TOP2B: variants seen among roughly 807,000 people sequenced by gnomAD.
The protein encoded by TOP2B is DNA topoisomerase 2-beta.
A neutral mutation model predicts 193.5 loss-of-function variants in TOP2B; 51 were observed. The observed-to-expected ratio is 0.26, with a 90% CI of 0.21 to 0.33. TOP2B has a LOEUF of 0.33. Ranked by LOEUF, TOP2B falls within the 10% of genes least tolerant of loss-of-function variation. The probability of loss-of-function intolerance (pLI) is 1.00; values close to 1 mark genes in which losing one functional copy is unlikely to be tolerated. For missense variants in TOP2B, 1,378 were observed against 1,909.3 expected (o/e 0.72, Z 5.19); for synonymous variants, 634 against 635.7 (o/e 1.00, Z 0.04).
At chr3:25,610,171 G>A (rs1279277213) in intron 28 of TOP2B, among the ~76,000 whole-genome samples, 2 of 149,010 alleles carry the variant, frequency 1.3e-5, no homozygotes, top group African/African-American at 5.0e-5. Flanking sequence ...AAACAAAAGC[G>A]AAACTCTGTC....
At chr3:25,606,489 A>G (rs1702240560) in intron 31 of TOP2B, among the ~76,000 whole-genome samples, 1 of 152,180 alleles carries the variant, frequency 6.6e-6, no homozygotes, top group South Asian at 2.1e-4. Context: ...CCATTCCAGA[A>G]TTTAAGATCA....
At position 25,598,358 on chromosome 3, in the gene TOP2B, A is replaced by G. The variant is rs11548723; in HGVS notation, c.4830T>C (p.Phe1610=). 0.038 allele frequency: 61,506 copies of G among 1,613,290 alleles called. 1,556 individuals are homozygous for G. Among genetic ancestry groups the G allele is most frequent in the Non-Finnish European group, 0.046 (54,318 of 1,179,462 alleles). The part of the protein sequence containing the change: ...TGRARKEVKY[F]AESDEEEDDV... Reference sequence around the variant, plus strand: ...CATCTTCTTCTTCATCAGACTCTGCAAAATATTTTACTTCTTTCCTAGCCC... The same window carrying G: ...CATCTTCTTCTTCATCAGACTCTGCGAAATATTTTACTTCTTTCCTAGCCC... Residue 1610 remains phenylalanine (F), a synonymous_variant, in exon 36 of 36, where the codon TTT becomes TTC. Coordinates refer to ENST00000264331, the MANE Select transcript of TOP2B (RefSeq NM_001330700.2).
At chr3:25,614,841 T>C (rs1031991236) in intron 27 of TOP2B, among the ~76,000 whole-genome samples, 2 of 152,048 alleles carry the variant, frequency 1.3e-5, no homozygotes, top group East Asian at 3.8e-4. Context: ...GTTATAAATG[T>C]AGAGACTATC....
chr3:25,660,998 ATTT>A (rs11460770), intron 1 of TOP2B, among the ~76,000 whole-genome samples: 2 of 131,452 alleles, frequency 1.5e-5, no homozygotes. Flanking sequence ...TCTTAGGTTG[ATTT>A]TTTTTTTTTT....
intron 33 of TOP2B, among the ~76,000 whole-genome samples, chr3:25,602,147 G>A (rs1702110812): frequency 6.6e-6 from 1 of 152,134 alleles, no homozygotes; most frequent in African/African-American, 2.4e-5. Context: ...TGTAATCCCA[G>A]AACTTTGGGA....
At chr3:25,655,307 G>C (rs180958112) in intron 1 of TOP2B, among the ~76,000 whole-genome samples, 10 of 152,192 alleles carry the variant, frequency 6.6e-5, no homozygotes, top group African/African-American at 2.4e-4. Flanking sequence ...TTACTAATAA[G>C]AGAAATGAAA....
Position 25,664,531 on chromosome 3 carries a change from T to A in TOP2B, c.-234A>T, listed in dbSNP as rs1704030912. ...GCGCGGCGTCCGCGTCGCCCGGGCC[T>A]AGCGCGGCGGCTGAGGAGAAAGCAG... On this transcript the variant is annotated 5_prime_UTR_variant, in exon 1 of 36. Transcript: ENST00000264331. 8.8e-7 allele frequency: 1 copy of A among 1,138,624 alleles called. No homozygotes were observed. Among genetic ancestry groups the A allele is most frequent in the Non-Finnish European group, 1.1e-6 (1 of 929,444 alleles). The allele number at this position is 1,138,624 out of a possible 1,614,324, so 70.5% of individuals were successfully genotyped here.
intron 30 of TOP2B, among the ~76,000 whole-genome samples, chr3:25,608,586 T>C (rs1702292445): frequency 1.3e-5 from 2 of 152,190 alleles, no homozygotes; most frequent in Non-Finnish European, 2.9e-5. Context: ...TTCATTTTAA[T>C]AAATTAGGAC....
In TOP2B at chr3:25,630,245, A is replaced by T. The variant is rs915785739; in HGVS notation, c.1563+67T>A. The T allele has an allele frequency of 6.6e-6, 10 of 1,521,680 alleles. No individual in the cohort carries two copies. In the African/African-American group the frequency reaches 1.3e-4, roughly 19 times the overall value. 94.3% of individuals were successfully genotyped at this position (1,521,680 alleles called of 1,614,324 possible). A position where few individuals can be genotyped will look rare whatever the true frequency, so the allele number is the denominator to read the frequency against. ...TTTAAAAATTCGAGAAGTTTAGTAA[A>T]GTATTAGAAATGTCATATGTATGTG... is the stretch of plus-strand genomic sequence containing the variant. On this transcript the variant is annotated intron_variant, in intron 12 of 35. Coordinates refer to ENST00000264331, the MANE Select transcript of TOP2B (RefSeq NM_001330700.2).
At chr3:25,650,970 T>C (rs1397449040) in intron 1 of TOP2B, among the ~76,000 whole-genome samples, 1 of 152,206 alleles carries the variant, frequency 6.6e-6, no homozygotes, top group Non-Finnish European at 1.5e-5. Context: ...CCAAATGATG[T>C]CTTATCCTTC....
intron 11 of TOP2B, 59 bp downstream of exon 11, chr3:25,630,742 C>A: frequency 7.2e-7 from 1 of 1,394,956 alleles, no homozygotes; most frequent in South Asian, 1.7e-5. Flanking sequence ...TAAAAAAATT[C>A]TGTAACTAAA....
At chr3:25,653,233 T>C (rs771303729) in intron 1 of TOP2B, among the ~76,000 whole-genome samples, 1 of 152,068 alleles carries the variant, frequency 6.6e-6, no homozygotes, top group Non-Finnish European at 1.5e-5. Context: ...TTCAAACTCT[T>C]ACCAAAAAAT....
rs868130436 is a variant in TOP2B at position 25,608,810 on chromosome 3, C to T, written c.4093+373G>A. On this transcript the variant is annotated intron_variant, in intron 30 of 35. Coordinates refer to ENST00000264331, the MANE Select transcript of TOP2B (RefSeq NM_001330700.2). ...GAGCTATGTACTCAGACTTTTAAAG[C>T]GGGAGGAAATTTTTCATGATATAAG... 3.9e-5 allele frequency among the ~76,000 whole-genome samples: 6 copies of T among 152,030 alleles called. No individual in the cohort carries two copies. The East Asian group carries it at 1.2e-3, about 29-fold the overall frequency.
chr3:25,644,645 G>A lies in TOP2B; in HGVS notation c.240+655C>T, dbSNP rs373173240. On this transcript the variant is annotated intron_variant, in intron 2 of 35. Coordinates refer to ENST00000264331, the MANE Select transcript of TOP2B (RefSeq NM_001330700.2). ...GAACCCAGGAGGCAGAGGTTGCACC[G>A]AGCCAAGATCACACTACTACACTCC... 4.0e-4 allele frequency among the ~76,000 whole-genome samples: 56 copies of A among 141,134 alleles called. 1 individual carries two copies. The highest frequency in any genetic ancestry group is 2.0e-3 in the Admixed American group (28 of 14,056). 92.6% of individuals were successfully genotyped at this position (141,134 alleles called of 152,430 possible). A position where few individuals can be genotyped will look rare whatever the true frequency, so the allele number is the denominator to read the frequency against.
intron 1 of TOP2B, among the ~76,000 whole-genome samples, chr3:25,662,744 C>T (rs1415203653): frequency 6.6e-6 from 1 of 152,164 alleles, no homozygotes; most frequent in East Asian, 1.9e-4. Context: ...CAATCCACTA[C>T]GGAGCAAAAT....
In TOP2B at chr3:25,609,723, A is replaced by G; in HGVS notation, c.3787-11T>C. The stretch of plus-strand genomic sequence containing the variant: ...AGTATCAAGATCACCCTACATAATA[A>G]AAAGAAAATCAAGCCACGAGTAAAA... On this transcript the variant is annotated splice_polypyrimidine_tract_variant and intron_variant, in intron 28 of 35. Transcript: ENST00000264331. 1.4e-6 allele frequency: 2 copies of G among 1,428,078 alleles called. No homozygotes were observed. The highest frequency in any genetic ancestry group is 1.8e-6 in the Non-Finnish European group (2 of 1,091,320). The allele number at this position is 1,428,078 out of a possible 1,614,324, so 88.5% of individuals were successfully genotyped here. A position where few individuals can be genotyped will look rare whatever the true frequency, so the allele number is the denominator to read the frequency against.
intron 25 of TOP2B, chr3:25,615,801 T>C (rs1446555477): frequency 5.9e-6 from 2 of 340,518 alleles, no homozygotes; most frequent in African/African-American, 2.1e-5. Flanking sequence ...TCAGAAGGAA[T>C]GGTATACACT....
At chr3:25,640,600 CAG>C (rs1267045973) in intron 4 of TOP2B, among the ~76,000 whole-genome samples, 4 of 151,904 alleles carry the variant, frequency 2.6e-5, no homozygotes, top group Admixed American at 6.6e-5. Context: ...TGATTAAAAA[CAG>C]AGTATAAAAT....
Position 25,633,835 on chromosome 3 carries a change from A to G in TOP2B, c.1026+6T>C. The G allele has an allele frequency of 2.5e-6, 4 of 1,600,662 alleles. No individual in the cohort carries two copies. Among genetic ancestry groups the G allele is most frequent in the Non-Finnish European group, 3.4e-6 (4 of 1,173,920 alleles). On this transcript the variant is annotated splice_donor_region_variant and intron_variant, in intron 8 of 35. Transcript: ENST00000264331. ...TGACTTGGAAACAAATAATTTGCTT[A>G]CTTACTTTTGTAGTTGCAATACTAT...
Sources: gnomAD v4.1 joint callset for allele counts (sites outside exome capture counted in the v4.1 genomes callset) on GRCh38, gnomAD v4.1.1 for gene constraint, MANE v1.5 for transcripts, NCBI Gene and HGNC (gene_info 2026-07-23, HGNC 2026-07-21) for gene names.